The following CAPRIN2 variants were observed in gnomAD, a reference collection of about 807,000 sequenced individuals.
CAPRIN2 encodes caprin family member 2.
In CAPRIN2, 66 loss-of-function variants were observed where a neutral mutation model predicts 130.4. The observed-to-expected ratio is 0.51, with a 90% CI of 0.42 to 0.62. CAPRIN2 has a LOEUF of 0.62. Among genes scored for constraint, CAPRIN2 ranks in the 20% least tolerant of loss-of-function variants. The pLI is 0.00. For missense variants in CAPRIN2, 1,185 were observed against 1,246.6 expected (o/e 0.95, Z 0.74); for synonymous variants, 471 against 444.1 (o/e 1.06, Z -0.76).
chr12:30,750,867 G>A (rs10771768), intron 2 of CAPRIN2, among the ~76,000 whole-genome samples: 73,571 of 151,962 alleles, frequency 0.48, 18,325 homozygotes, highest in African/African-American at 0.55. Context: ...ACCCCCATGC[G>A]TACCATCTTC....
chr12:30,718,870 TA>T (rs1425254950), intron 12 of CAPRIN2, among the ~76,000 whole-genome samples: 1 of 152,246 alleles, frequency 6.6e-6, no homozygotes, highest in Non-Finnish European at 1.5e-5. Context: ...AATGCTCTGA[TA>T]AAACACCCAT....
chr12:30,719,597 T>C (rs934038164), intron 12 of CAPRIN2: 1 of 163,296 alleles, frequency 6.1e-6, no homozygotes, highest in Non-Finnish European at 1.3e-5. Flanking sequence ...GGATTAGTTG[T>C]TTAGTGTTAA....
chr12:30,754,165 C>T (rs1312083488), exon 1 of CAPRIN2: 1 of 175,504 alleles, frequency 5.7e-6, no homozygotes, highest in Non-Finnish European at 1.2e-5. Context: ...CAAGGCAATC[C>T]ATCACTACTG....
intron 5 of CAPRIN2, 137 bp downstream of exon 6, chr12:30,733,492 A>G (rs1347527192): frequency 1.6e-6 from 1 of 640,614 alleles, no homozygotes; most frequent in Non-Finnish European, 2.8e-6. Flanking sequence ...CAAAGGGATC[A>G]TTCTCCCAGT....
At chr12:30,733,932 T>C (rs1398258016) in intron 4 of CAPRIN2, among the ~76,000 whole-genome samples, 4 of 152,196 alleles carry the variant, frequency 2.6e-5, no homozygotes, top group African/African-American at 4.8e-5. Flanking sequence ...AACTAAAATA[T>C]GGATTTTACC....
intron 15 of CAPRIN2, among the ~76,000 whole-genome samples, chr12:30,713,134 C>A (rs918516196): frequency 6.6e-6 from 1 of 152,146 alleles, no homozygotes; most frequent in Non-Finnish European, 1.5e-5. Flanking sequence ...ATATTACCAA[C>A]AGAACTCAGT....
intron 1 of CAPRIN2, 46 bp downstream of exon 2, chr12:30,753,298 A>C (rs1294213373): frequency 6.8e-7 from 1 of 1,474,486 alleles, no homozygotes; most frequent in African/African-American, 1.4e-5. Context: ...TCAGCTCCTT[A>C]ATCTTTAAGA....
chr12:30,737,274 G>A (rs772675212), intron 3 of CAPRIN2, among the ~76,000 whole-genome samples: 7 of 151,956 alleles, frequency 4.6e-5, no homozygotes, highest in Non-Finnish European at 7.4e-5. Flanking sequence ...GGTTACAGAC[G>A]TAAGCCACCA....
intron 3 of CAPRIN2, among the ~76,000 whole-genome samples, chr12:30,740,742 T>C (rs2139043515): frequency 1.3e-5 from 2 of 152,342 alleles, no homozygotes; most frequent in Non-Finnish European, 2.9e-5. Flanking sequence ...GTGTCAATGA[T>C]TTCTATAATT....
rs142063052 is a variant in CAPRIN2, at chr12:30,724,409, T to C, written c.1948A>G (p.Thr650Ala). The C allele has an allele frequency of 2.6e-3, 4,190 of 1,613,350 alleles. 6 individuals carry two copies. The highest frequency in any genetic ancestry group is 3.1e-3 in the Non-Finnish European group (3,636 of 1,179,378). ...GGAGTAGCTGAAGGCGGTTGTGACGTTGGAATTGCACTTGAAGGTTTGTCA... is the reference window on the plus strand; with the variant it reads ...GGAGTAGCTGAAGGCGGTTGTGACGCTGGAATTGCACTTGAAGGTTTGTCA... The change falls in exon 10 of 17, where the codon ACG (threonine) becomes GCG (alanine). Residue 650 changes from threonine (T) to alanine (A), a missense_variant. By Grantham distance (58) the Thr-to-Ala change is moderately conservative. Coordinates refer to ENST00000298892, the Ensembl canonical transcript of CAPRIN2.
At chr12:30,726,079 G>C in exon 9 of CAPRIN2, 3 of 1,541,162 alleles carry the variant, frequency 1.9e-6, no homozygotes, top group South Asian at 2.6e-5. Context: ...TGATGCACAG[G>C]CTTAGGCACC....
intron 6 of CAPRIN2, among the ~76,000 whole-genome samples, chr12:30,730,922 T>C (rs1477675227): frequency 6.6e-6 from 1 of 152,154 alleles, no homozygotes; most frequent in Non-Finnish European, 1.5e-5. Context: ...GTATATTTTC[T>C]TTACTGACTT....
intron 3 of CAPRIN2, among the ~76,000 whole-genome samples, chr12:30,737,790 G>C (rs563164562): frequency 3.9e-5 from 6 of 151,932 alleles, no homozygotes; most frequent in African/African-American, 1.4e-4. Flanking sequence ...GTAGAGACGG[G>C]GTTTCATCAT....
chr12:30,753,696 T>C, exon 1 of CAPRIN2: 3 of 1,614,052 alleles, frequency 1.9e-6, no homozygotes, highest in East Asian at 2.2e-5. Context: ...TCTAGACCAC[T>C]CCCTTAAACT....
chr12:30,736,282 C>T (rs2064733391), intron 3 of CAPRIN2, among the ~76,000 whole-genome samples: 1 of 151,920 alleles, frequency 6.6e-6, no homozygotes, highest in East Asian at 1.9e-4. Flanking sequence ...TTGCATTTAA[C>T]TAAAAACTAC....
chr12:30,753,272 C>G, intron 1 of CAPRIN2, 72 bp downstream of exon 2: 3 of 1,302,948 alleles, frequency 2.3e-6, no homozygotes, highest in Non-Finnish European at 3.2e-6. Context: ...CACCTATGAG[C>G]TCTGAAAGAA....
intron 11 of CAPRIN2, 113 bp downstream of exon 12, chr12:30,723,146 C>T (rs1049435385): frequency 3.5e-5 from 26 of 744,122 alleles, no homozygotes; most frequent in Non-Finnish European, 5.6e-5. Context: ...ATGCTTAGAA[C>T]ACTTTTAATA....
Position 30,710,479 on chromosome 12 carries a change from T to C in CAPRIN2, c.2666-9A>G. On this transcript the variant is annotated splice_polypyrimidine_tract_variant and intron_variant, in intron 16 of 16. Coordinates refer to ENST00000298892, the Ensembl canonical transcript of CAPRIN2. The surrounding 1 kb of genome is among the most constrained non-coding windows in gnomAD (Gnocchi z 4.8). ...AGAATCACTCCACCCTGCTGTTTTA[T>C]TAGCAACAGTGAGTTTCTCATAATG... The C allele has an allele frequency of 6.2e-7, 1 of 1,613,778 alleles. No homozygotes were observed. Among genetic ancestry groups the C allele is most frequent in the Non-Finnish European group, 8.5e-7 (1 of 1,179,878 alleles).
At chr12:30,724,027 T>C (rs2060182330) in intron 10 of CAPRIN2, among the ~76,000 whole-genome samples, 1 of 152,216 alleles carries the variant, frequency 6.6e-6, no homozygotes. Flanking sequence ...ACACCCGTAG[T>C]TAAGACCCAA....
Sources: gnomAD v4.1 joint callset for allele counts (sites outside exome capture counted in the v4.1 genomes callset) on GRCh38, gnomAD v4.1.1 for gene constraint, Gnocchi (gnomAD v3.1) non-coding constraint, MANE v1.5 for transcripts, NCBI Gene and HGNC (gene_info 2026-07-23, HGNC 2026-07-21) for gene names.